The following LDB2 variants were observed in gnomAD, a reference collection of about 807,000 sequenced individuals.
The protein encoded by LDB2 is LIM domain binding 2.
Under a neutral mutation model 44.3 loss-of-function variants are expected in LDB2, and 12 were observed. The observed-to-expected ratio is 0.27, with a 90% confidence interval of 0.17 to 0.44. The LOEUF is 0.44. LDB2 is among the 20% of genes least tolerant of loss of function. The pLI is 1.00. For missense variants in LDB2, 344 were observed against 473.5 expected, an observed-to-expected ratio of 0.73 and a Z score of 2.54; for synonymous variants, 164 against 174.8, an observed-to-expected ratio of 0.94 and a Z score of 0.49.
chr4:16,829,647 T>A (rs1170107388), intron 1 of LDB2, among the ~76,000 whole-genome samples: 1 of 152,198 alleles, frequency 6.6e-6, no homozygotes, highest in Non-Finnish European at 1.5e-5. Flanking sequence ...ATATACTAAC[T>A]CATGGGGTTG....
At chr4:16,525,149 C>T (rs1168223645) in intron 5 of LDB2, among the ~76,000 whole-genome samples, 2 of 152,102 alleles carry the variant, frequency 1.3e-5, no homozygotes, top group Non-Finnish European at 2.9e-5. Flanking sequence ...GATAAGTACC[C>T]GCAAGACTGT....
chr4:16,505,806 C>G (rs2152206261), intron 7 of LDB2: 1 of 1,509,036 alleles, frequency 6.6e-7, no homozygotes, highest in East Asian at 2.5e-5. Context: ...CATTTCACAT[C>G]TTCTCACTAA....
chr4:16,519,355 A>C lies in LDB2; in HGVS notation c.616-7251T>G, dbSNP rs959161526. Reference sequence around the variant, plus strand: ...TAGTGATAAAGAATGTGGTTCCTACAGTGTATCCAAGGCAGTACAGCTATT... The same window carrying C: ...TAGTGATAAAGAATGTGGTTCCTACCGTGTATCCAAGGCAGTACAGCTATT... On this transcript the variant is annotated intron_variant, in intron 5 of 7. Transcript: ENST00000304523. 3.3e-5 allele frequency among the ~76,000 whole-genome samples: 5 copies of C among 152,012 alleles called. No individual in the cohort carries two copies. In the South Asian group the frequency reaches 1.0e-3, roughly 32 times the overall value.
intron 1 of LDB2, among the ~76,000 whole-genome samples, chr4:16,795,139 C>T (rs976327995): frequency 1.3e-5 from 2 of 152,096 alleles, no homozygotes; most frequent in African/African-American, 2.4e-5. Flanking sequence ...AACCTTTACC[C>T]AAGACTGGCA....
At chr4:16,502,964 A>C in intron 7 of LDB2, 91 bp from the exon 8 acceptor site, 1 of 1,602,656 alleles carries the variant, frequency 6.2e-7, no homozygotes, top group South Asian at 1.1e-5. Flanking sequence ...GGAATCTAGG[A>C]CAGACACACT....
At chr4:16,813,838 G>T (rs1166895315) in intron 1 of LDB2, among the ~76,000 whole-genome samples, 6 of 151,742 alleles carry the variant, frequency 4.0e-5, no homozygotes, top group African/African-American at 1.5e-4. Flanking sequence ...GGGTAAAGGG[G>T]CTACCCACAG....
chr4:16,819,833 G>A (rs1261325224), intron 1 of LDB2, among the ~76,000 whole-genome samples: 1 of 152,184 alleles, frequency 6.6e-6, no homozygotes, highest in African/African-American at 2.4e-5. Flanking sequence ...TGATTCAGCA[G>A]TTCTACAAAT....
At chr4:16,665,713 C>T (rs1742943298) in intron 2 of LDB2, among the ~76,000 whole-genome samples, 1 of 151,984 alleles carries the variant, frequency 6.6e-6, no homozygotes, top group East Asian at 1.9e-4. Flanking sequence ...AATAGTAGCC[C>T]CTAAAAGATA....
intron 2 of LDB2, among the ~76,000 whole-genome samples, chr4:16,670,190 C>G (rs1744339131): frequency 6.6e-6 from 1 of 152,214 alleles, no homozygotes; most frequent in Non-Finnish European, 1.5e-5. Context: ...GGCCAGTGAT[C>G]AGCACTCCTT....
chr4:16,680,858 G>A (rs1379241341), intron 2 of LDB2, among the ~76,000 whole-genome samples: 2 of 152,142 alleles, frequency 1.3e-5, no homozygotes, highest in Admixed American at 1.3e-4. Context: ...AGAATTAATT[G>A]TCTGTGATAC....
At position 16,780,395 on chromosome 4, in the gene LDB2, G is replaced by A. The variant is rs188359998; in HGVS notation, c.133-21135C>T. On this transcript the variant is annotated intron_variant, in intron 1 of 7. Transcript: ENST00000304523. ...CTGCCACCACACCCAGCTAATTTTT[G>A]TATTTTTGGTACTGATGGAGTTTCA... 9.6e-4 allele frequency among the ~76,000 whole-genome samples: 146 copies of A among 152,148 alleles called. 1 individual carries two copies. Among genetic ancestry groups the A allele is most frequent in the African/African-American group, 3.3e-3 (139 of 41,504 alleles).
chr4:16,650,299 T>C (rs1737912046), intron 2 of LDB2, among the ~76,000 whole-genome samples: 1 of 152,174 alleles, frequency 6.6e-6, no homozygotes. Flanking sequence ...TACTTAGCAT[T>C]GGGTCAGTAG....
rs73129811 is a variant in LDB2, at chr4:16,852,868, A to G, written c.132+45486T>C. On this transcript the variant is annotated intron_variant, in intron 1 of 7. Transcript: ENST00000304523. ...GGTTACTGTACCCTGGATCTCATAT[A>G]AATATTGAAGTAAGTTTATTTATAT... 4.0e-3 allele frequency among the ~76,000 whole-genome samples: 606 copies of G among 152,294 alleles called. 6 individuals are homozygous for G. The highest frequency in any genetic ancestry group is 0.013 in the African/African-American group (541 of 41,568).
At chr4:16,542,771 G>A (rs191421007) in intron 5 of LDB2, among the ~76,000 whole-genome samples, 103 of 151,288 alleles carry the variant, frequency 6.8e-4, no homozygotes, top group South Asian at 4.4e-3. Context: ...TTGTGCCTTC[G>A]TTTTGTTTTT....
chr4:16,503,202 CT>C, intron 7 of LDB2: 1 of 1,471,644 alleles, frequency 6.8e-7, no homozygotes. Flanking sequence ...ACATTGGGGA[CT>C]TTTGAGAGGG....
intron 2 of LDB2, among the ~76,000 whole-genome samples, chr4:16,599,704 A>G (rs1040740729): frequency 6.6e-6 from 1 of 152,228 alleles, no homozygotes; most frequent in Non-Finnish European, 1.5e-5. Context: ...TGCGCAGTGA[A>G]TGGGACAGAC....
intron 7 of LDB2, chr4:16,505,736 TC>T: frequency 8.6e-7 from 1 of 1,163,000 alleles, no homozygotes; most frequent in Non-Finnish European, 1.2e-6. Flanking sequence ...TGCCCTCAGC[TC>T]CCCACAAGGC....
intron 2 of LDB2, among the ~76,000 whole-genome samples, chr4:16,657,883 G>C (rs1740378724): frequency 6.6e-6 from 1 of 152,198 alleles, no homozygotes; most frequent in Non-Finnish European, 1.5e-5. Flanking sequence ...CTATTTGGGA[G>C]TTGAGAAGCC....
intron 5 of LDB2, among the ~76,000 whole-genome samples, chr4:16,585,366 T>G (rs529143352): frequency 1.1e-4 from 16 of 152,274 alleles, no homozygotes; most frequent in Admixed American, 4.6e-4. Flanking sequence ...CTGCCTCTTG[T>G]CAGGCCTGGA....
Sources: allele counts gnomAD v4.1 joint callset (sites outside exome capture counted in the v4.1 genomes callset), GRCh38; gene constraint gnomAD v4.1.1; transcripts MANE v1.5; gene names NCBI Gene and HGNC (gene_info 2026-07-23, HGNC 2026-07-21).